PRIM2: variants seen among roughly 807,000 people sequenced by gnomAD.
The protein encoded by PRIM2 is DNA primase large subunit.
A neutral mutation model predicts 67.3 loss-of-function variants in PRIM2; 39 were observed. That is an observed-to-expected ratio of 0.58 (90% CI 0.45 to 0.76). The LOEUF (loss-of-function observed/expected upper bound fraction) is 0.76. Among genes scored for constraint, PRIM2 ranks in the 30% least tolerant of loss-of-function variants. The pLI is 0.00. For synonymous variants in PRIM2, 143 were observed against 198.7 expected (o/e 0.72, Z 2.36); for missense variants, 398 against 598.7 (o/e 0.66, Z 3.50).
chr6:57,633,143 T>C (rs1299440516), intron 13 of PRIM2, among the ~76,000 whole-genome samples: 24 of 152,214 alleles, frequency 1.6e-4, no homozygotes, highest in African/African-American at 5.1e-4. Flanking sequence ...GGCATTCACA[T>C]TGACAAATTG....
At chr6:57,442,833 C>T (rs997841338) in intron 7 of PRIM2, among the ~76,000 whole-genome samples, 3 of 152,072 alleles carry the variant, frequency 2.0e-5, no homozygotes, top group African/African-American at 4.8e-5. Flanking sequence ...GTGCAATACC[C>T]TGTTATTAAC....
rs1207782856 is a variant in PRIM2, at chr6:57,495,633, C to T, written c.694-11754C>T. On this transcript the variant is annotated intron_variant, in intron 7 of 13. Coordinates refer to ENST00000615550, the MANE Select transcript of PRIM2 (RefSeq NM_000947.5). ...GTTGATTACTTGCCCTTCAGTTCTTCAAGTGCATTTCCAAGGACTATGTTT... is the reference window on the plus strand; with the variant it reads ...GTTGATTACTTGCCCTTCAGTTCTTTAAGTGCATTTCCAAGGACTATGTTT... Among the ~76,000 whole-genome samples the T allele has an allele frequency of 1.3e-3, 192 of 152,324 alleles. 5 individuals are homozygous for T. In the East Asian group the frequency reaches 0.016, roughly 13 times the overall value.
At chr6:57,309,155 T>G in the PRIM2 span, among the ~76,000 whole-genome samples, 1 of 151,878 alleles carries the variant, frequency 6.6e-6, no homozygotes, top group Non-Finnish European at 1.5e-5. Flanking sequence ...TTTTTTTTAT[T>G]ATACTTTAAG....
chr6:57,240,056 G>C, the PRIM2 span, among the ~76,000 whole-genome samples: 1 of 149,866 alleles, frequency 6.7e-6, no homozygotes, highest in Non-Finnish European at 1.5e-5. Flanking sequence ...ATTATATATA[G>C]GTATTAGCAG....
intron 5 of PRIM2, among the ~76,000 whole-genome samples, chr6:57,336,580 C>G (rs1468998409): frequency 6.6e-6 from 1 of 152,068 alleles, no homozygotes; most frequent in South Asian, 2.1e-4. Context: ...AAAGAATTTT[C>G]AACCCAGAAT....
chr6:57,521,836 CTCTG>C (rs1214527372), intron 8 of PRIM2, among the ~76,000 whole-genome samples: 1 of 152,032 alleles, frequency 6.6e-6, no homozygotes, highest in Non-Finnish European at 1.5e-5. Context: ...ACGTCAGAAA[CTCTG>C]TCTGCTGGTG....
At chr6:57,359,758 A>C (rs1470461860) in intron 5 of PRIM2, among the ~76,000 whole-genome samples, 1 of 152,234 alleles carries the variant, frequency 6.6e-6, no homozygotes, top group African/African-American at 2.4e-5. Flanking sequence ...TGGAAAATGA[A>C]ATTCCAATAA....
the PRIM2 span, among the ~76,000 whole-genome samples, chr6:57,240,376 C>T: frequency 6.6e-6 from 1 of 152,184 alleles, no homozygotes. Flanking sequence ...GCTGGGACTA[C>T]AGGTGTGAGC....
chr6:57,231,382 A>C, the PRIM2 span, among the ~76,000 whole-genome samples: 1 of 152,192 alleles, frequency 6.6e-6, no homozygotes, highest in Admixed American at 6.5e-5. Context: ...TCAAAAACTC[A>C]CCTTGAATTA....
At chr6:57,595,096 C>A (rs1471686213) in intron 10 of PRIM2, among the ~76,000 whole-genome samples, 1 of 152,088 alleles carries the variant, frequency 6.6e-6, no homozygotes, top group Non-Finnish European at 1.5e-5. Context: ...CTAAAATTAG[C>A]AATATTGATC....
intron 5 of PRIM2, among the ~76,000 whole-genome samples, chr6:57,377,287 T>C (rs1581843027): frequency 6.6e-6 from 1 of 152,204 alleles, no homozygotes; most frequent in East Asian, 1.9e-4. Flanking sequence ...TACTAAATCA[T>C]ATAATCTGCA....
At chr6:57,541,870 A>G (rs1424123766) in intron 10 of PRIM2, among the ~76,000 whole-genome samples, 21 of 152,046 alleles carry the variant, frequency 1.4e-4, no homozygotes, top group Non-Finnish European at 2.8e-4. Flanking sequence ...TCAAATGTTA[A>G]TCATATCCAG....
chr6:57,227,265 A>G, the PRIM2 span, among the ~76,000 whole-genome samples: 22 of 152,312 alleles, frequency 1.4e-4, no homozygotes, highest in African/African-American at 5.1e-4. Context: ...CTGTTGGAAC[A>G]TTTGTTCACC....
At chr6:57,262,451 G>C in the PRIM2 span, among the ~76,000 whole-genome samples, 1 of 152,066 alleles carries the variant, frequency 6.6e-6, no homozygotes, top group Non-Finnish European at 1.5e-5. Context: ...CTCACCAGTC[G>C]TTCTTTCACA....
upstream of PRIM2, among the ~76,000 whole-genome samples, chr6:57,311,800 G>C (rs1418089186): frequency 6.6e-6 from 1 of 152,108 alleles, no homozygotes; most frequent in African/African-American, 2.4e-5. Flanking sequence ...GCGGAGGCGG[G>C]CAGATCATCC....
chr6:57,230,439 G>A, the PRIM2 span, among the ~76,000 whole-genome samples: 1 of 152,080 alleles, frequency 6.6e-6, no homozygotes, highest in Admixed American at 6.6e-5. Context: ...TTTGACATAG[G>A]CTATTGTATT....
chr6:57,255,621 A>G, the PRIM2 span, among the ~76,000 whole-genome samples: 1 of 152,020 alleles, frequency 6.6e-6, no homozygotes, highest in Non-Finnish European at 1.5e-5. Context: ...CTGGTTGGGG[A>G]GGGAGTGATA....
At chr6:57,466,933 CA>C (rs1773212283) in intron 7 of PRIM2, among the ~76,000 whole-genome samples, 1 of 151,872 alleles carries the variant, frequency 6.6e-6, no homozygotes, top group Non-Finnish European at 1.5e-5. Context: ...CCAGCCTGAC[CA>C]AATGGAGAAA....
chr6:57,481,260 A>G (rs1463657308), intron 7 of PRIM2, among the ~76,000 whole-genome samples: 7 of 152,124 alleles, frequency 4.6e-5, no homozygotes, highest in African/African-American at 1.7e-4. Flanking sequence ...TGTTATAGTC[A>G]TAGCACCCCA....
Sources: gnomAD v4.1 joint callset for allele counts (sites outside exome capture counted in the v4.1 genomes callset) on GRCh38, gnomAD v4.1.1 for gene constraint, MANE v1.5 for transcripts, NCBI Gene and HGNC (gene_info 2026-07-23, HGNC 2026-07-21) for gene names.